UNC13C: variants seen among roughly 807,000 people sequenced by gnomAD.
The protein encoded by UNC13C is protein unc-13 homolog C.
In UNC13C, 174 loss-of-function variants were observed where a neutral mutation model predicts 245.4. The ratio of observed to expected loss-of-function variants is 0.71; its 90% confidence interval spans 0.63 to 0.80. UNC13C has a LOEUF of 0.80. Among genes scored for constraint, UNC13C ranks in the 30% least tolerant of loss-of-function variants. The probability of loss-of-function intolerance (pLI) is 0.00; values close to 1 mark genes in which losing one functional copy is unlikely to be tolerated. For missense variants in UNC13C, 2,829 were observed against 2,602.9 expected, an observed-to-expected ratio of 1.09 and a Z score of -1.89; for synonymous variants, 992 against 895.1, an observed-to-expected ratio of 1.11 and a Z score of -1.93.
At position 54,375,052 on chromosome 15, in the gene UNC13C, T is replaced by C. The variant is rs181707460; in HGVS notation, c.4714-17996T>C. On this transcript the variant is annotated intron_variant, in intron 17 of 32. Transcript: ENST00000260323. ...AGGTATGGCTATGGTAAACCATGTTTCTCTAAACAGTCCTGTATATGTCTT... is the reference window on the plus strand; with the variant it reads ...AGGTATGGCTATGGTAAACCATGTTCCTCTAAACAGTCCTGTATATGTCTT... Among the ~76,000 whole-genome samples the C allele has an allele frequency of 2.2e-3, 333 of 152,338 alleles. 1 individual carries two copies. Among genetic ancestry groups the C allele is most frequent in the African/African-American group, 7.0e-3 (291 of 41,592 alleles).
intron 19 of UNC13C, among the ~76,000 whole-genome samples, chr15:54,432,049 T>C (rs994461517): frequency 1.3e-5 from 2 of 151,578 alleles, no homozygotes; most frequent in Non-Finnish European, 3.0e-5. Flanking sequence ...ATGATTTCTA[T>C]ATATTTATAT....
intron 2 of UNC13C, among the ~76,000 whole-genome samples, chr15:54,077,706 T>G (rs1175645256): frequency 6.6e-6 from 1 of 152,146 alleles, no homozygotes; most frequent in Non-Finnish European, 1.5e-5. Context: ...AGATGCTGTT[T>G]TATTAGTCCC....
the UNC13C span, among the ~76,000 whole-genome samples, chr15:53,904,732 G>A: frequency 3.9e-5 from 6 of 152,064 alleles, no homozygotes; most frequent in East Asian, 1.9e-4. Context: ...AAGACTCCAC[G>A]TTTTCATGGG....
At position 54,189,117 on chromosome 15, in the gene UNC13C, T is replaced by C. The variant is rs530975481; in HGVS notation, c.3071+45433T>C. 1.1e-4 allele frequency among the ~76,000 whole-genome samples: 17 copies of C among 152,288 alleles called. 1 individual carries two copies. Among genetic ancestry groups the C allele is most frequent in the Admixed American group, 9.8e-4 (15 of 15,282 alleles). On this transcript the variant is annotated intron_variant, in intron 4 of 32. Transcript: ENST00000260323. ...ATAATAAAATAGCAAGGATAACTCA[T>C]TGCCTATTATGAGTACTAGACATCT...
intron 2 of UNC13C, among the ~76,000 whole-genome samples, chr15:54,104,120 C>G (rs1331367885): frequency 2.0e-5 from 3 of 152,202 alleles, no homozygotes; most frequent in Non-Finnish European, 4.4e-5. Flanking sequence ...CTCAGCGAGC[C>G]CATGTTTGGA....
At chr15:54,482,472 G>C (rs1407347901) in intron 19 of UNC13C, among the ~76,000 whole-genome samples, 2 of 152,150 alleles carry the variant, frequency 1.3e-5, no homozygotes. Flanking sequence ...CGGGCGGTGG[G>C]AATTTAAACC....
chr15:54,557,904 A>G (rs1258473509), intron 29 of UNC13C, among the ~76,000 whole-genome samples: 2 of 152,116 alleles, frequency 1.3e-5, no homozygotes, highest in Admixed American at 1.3e-4. Flanking sequence ...CATATACACC[A>G]TGGAATACTA....
intron 2 of UNC13C, among the ~76,000 whole-genome samples, chr15:54,076,311 A>G (rs1234086344): frequency 8.5e-6 from 1 of 118,166 alleles, no homozygotes; most frequent in Non-Finnish European, 1.6e-5. Context: ...TCCTGTGTCC[A>G]TGTGATCTCA....
Position 54,130,229 on chromosome 15 carries a change from G to A in UNC13C, c.2984-12789G>A, listed in dbSNP as rs976492812. 1.4e-4 allele frequency among the ~76,000 whole-genome samples: 21 copies of A among 149,412 alleles called. 1 individual carries two copies. Among genetic ancestry groups the A allele is most frequent in the African/African-American group, 4.9e-4 (20 of 40,808 alleles). On this transcript the variant is annotated intron_variant, in intron 2 of 32. Coordinates refer to ENST00000260323, the MANE Select transcript of UNC13C (RefSeq NM_001080534.3). The stretch of plus-strand genomic sequence containing the variant: ...CCATTGTTGATTTCTTATTTGATTG[G>A]TCTTTTTGATATTCTGTGGAATATG...
chr15:53,859,039 A>G, the UNC13C span, among the ~76,000 whole-genome samples: 1 of 152,212 alleles, frequency 6.6e-6, no homozygotes, highest in East Asian at 1.9e-4. Flanking sequence ...GAAAATAATT[A>G]TCTTTTATTT....
At chr15:54,074,824 G>A (rs1027291041) in intron 2 of UNC13C, among the ~76,000 whole-genome samples, 3 of 152,044 alleles carry the variant, frequency 2.0e-5, no homozygotes, top group Non-Finnish European at 4.4e-5. Context: ...TCTGCAAACA[G>A]AGACAATTTG....
chr15:54,551,711 A>G (rs1896741938), intron 28 of UNC13C, among the ~76,000 whole-genome samples: 1 of 152,088 alleles, frequency 6.6e-6, no homozygotes, highest in Non-Finnish European at 1.5e-5. Context: ...GTGTCTATTG[A>G]TGATGAGAAA....
At position 54,622,426 on chromosome 15, in the gene UNC13C, T is replaced by A. The variant is rs1181145973; in HGVS notation, c.6199+7T>A. ...CATAAAGTCACTGTAAAAGGTATAC[T>A]TCTGGTCTAGATAAATCAAAACAGC... On this transcript the variant is annotated splice_region_variant and intron_variant, in intron 31 of 32. Transcript: ENST00000260323. 1 of 1,604,924 alleles carries A rather than the reference T, an allele frequency of 6.2e-7. No homozygotes were observed. Among genetic ancestry groups the A allele is most frequent in the South Asian group, 1.1e-5 (1 of 90,922 alleles).
At chr15:54,413,541 A>G (rs1048730246) in intron 18 of UNC13C, among the ~76,000 whole-genome samples, 3 of 152,176 alleles carry the variant, frequency 2.0e-5, no homozygotes, top group Non-Finnish European at 2.9e-5. Context: ...ACTAATTTAT[A>G]TGTATTCAGA....
chr15:54,284,603 C>T (rs926434130), intron 10 of UNC13C, among the ~76,000 whole-genome samples: 2 of 150,550 alleles, frequency 1.3e-5, no homozygotes, highest in African/African-American at 4.9e-5. Context: ...ATAGAAATCA[C>T]CACGAGCACA....
chr15:54,291,151 A>G (rs747229779), intron 10 of UNC13C, among the ~76,000 whole-genome samples: 1 of 152,014 alleles, frequency 6.6e-6, no homozygotes, highest in Admixed American at 6.6e-5. Flanking sequence ...AAATTACCAA[A>G]AGTGTTATCA....
intron 2 of UNC13C, among the ~76,000 whole-genome samples, chr15:54,041,154 A>G (rs1012961685): frequency 7.2e-5 from 11 of 152,332 alleles, no homozygotes; most frequent in African/African-American, 2.6e-4. Context: ...ATACCTTTCT[A>G]TATTTTAAAA....
chr15:54,247,574 G>A (rs778842805), intron 7 of UNC13C, among the ~76,000 whole-genome samples: 11 of 152,092 alleles, frequency 7.2e-5, no homozygotes, highest in East Asian at 3.9e-4. Flanking sequence ...CCATACCCCC[G>A]AAAGTCAAGA....
At chr15:54,284,230 A>C (rs2140921646) in intron 10 of UNC13C, among the ~76,000 whole-genome samples, 1 of 152,336 alleles carries the variant, frequency 6.6e-6, no homozygotes, top group African/African-American at 2.4e-5. Flanking sequence ...ATACATCCAA[A>C]GTGGATCTTG....
Sources: gnomAD v4.1 joint callset for allele counts (sites outside exome capture counted in the v4.1 genomes callset) on GRCh38, gnomAD v4.1.1 for gene constraint, MANE v1.5 for transcripts, NCBI Gene and HGNC (gene_info 2026-07-23, HGNC 2026-07-21) for gene names.